LRRC4C: variants seen among roughly 807,000 people sequenced by gnomAD.
LRRC4C encodes leucine-rich repeat-containing protein 4C.
LRRC4C carries 5 observed loss-of-function variants against 33.6 expected under a neutral mutation model. The observed-to-expected ratio is 0.15, with a 90% confidence interval of 0.08 to 0.31. The LOEUF (loss-of-function observed/expected upper bound fraction) is 0.31. Ranked by LOEUF, LRRC4C falls within the 10% of genes least tolerant of loss-of-function variation. The probability of loss-of-function intolerance (pLI) is 1.00; values close to 1 mark genes in which losing one functional copy is unlikely to be tolerated. For missense variants in LRRC4C, 560 were observed against 796.7 expected, an observed-to-expected ratio of 0.70 and a Z score of 3.58; for synonymous variants, 329 against 302.0, an observed-to-expected ratio of 1.09 and a Z score of -0.93.
intron 2 of LRRC4C, among the ~76,000 whole-genome samples, chr11:40,700,025 T>C (rs1945788226): frequency 6.6e-6 from 1 of 152,134 alleles, no homozygotes; most frequent in Non-Finnish European, 1.5e-5. Context: ...TCCTATTGGG[T>C]GCCCTCTATG....
chr11:41,322,529 G>A (rs1591263871), intron 1 of LRRC4C, among the ~76,000 whole-genome samples: 1 of 151,970 alleles, frequency 6.6e-6, no homozygotes, highest in East Asian at 1.9e-4. Flanking sequence ...TATAAATGGT[G>A]TATAGTTAAT....
chr11:40,118,105 CATT>C (rs1855568400), intron 6 of LRRC4C, among the ~76,000 whole-genome samples: 2 of 147,520 alleles, frequency 1.4e-5, no homozygotes, highest in South Asian at 2.1e-4. Flanking sequence ...ATATTAATTT[CATT>C]ATAAATTGTT....
At chr11:40,387,322 C>T (rs1273909677) in intron 3 of LRRC4C, among the ~76,000 whole-genome samples, 1 of 152,076 alleles carries the variant, frequency 6.6e-6, no homozygotes, top group Non-Finnish European at 1.5e-5. Flanking sequence ...ATAGGTTACT[C>T]ATTAAAAGAA....
intron 1 of LRRC4C, among the ~76,000 whole-genome samples, chr11:41,300,977 C>T (rs965001135): frequency 4.6e-5 from 7 of 152,102 alleles, no homozygotes; most frequent in Non-Finnish European, 1.0e-4. Flanking sequence ...CTGATAACAA[C>T]TTAAATTTAA....
intron 2 of LRRC4C, among the ~76,000 whole-genome samples, chr11:40,889,704 T>C (rs1208934669): frequency 2.0e-5 from 3 of 152,136 alleles, no homozygotes; most frequent in Admixed American, 6.6e-5. Flanking sequence ...TATGAATATT[T>C]CAGTAGCAAC....
At chr11:40,875,488 T>C (rs1954841210) in intron 2 of LRRC4C, among the ~76,000 whole-genome samples, 1 of 152,142 alleles carries the variant, frequency 6.6e-6, no homozygotes, top group Non-Finnish European at 1.5e-5. Context: ...ACCTATCTAG[T>C]TCTCAACGTT....
chr11:40,702,091 G>A (rs1003692768), intron 2 of LRRC4C, among the ~76,000 whole-genome samples: 2 of 151,814 alleles, frequency 1.3e-5, no homozygotes, highest in Non-Finnish European at 2.9e-5. Flanking sequence ...CAAAACAGAC[G>A]TTACTATTAT....
At chr11:40,422,302 T>C (rs1157748054) in intron 3 of LRRC4C, among the ~76,000 whole-genome samples, 2 of 152,154 alleles carry the variant, frequency 1.3e-5, no homozygotes, top group Non-Finnish European at 2.9e-5. Context: ...TGATCAAAGG[T>C]ACATTGGTGA....
chr11:40,579,153 A>G (rs1013488033), intron 3 of LRRC4C, among the ~76,000 whole-genome samples: 2 of 152,168 alleles, frequency 1.3e-5, no homozygotes, highest in African/African-American at 2.4e-5. Context: ...CCTGGACAAC[A>G]TGGTAAAATC....
In LRRC4C at chr11:40,579,094, T is replaced by C. The variant is rs574652661; in HGVS notation, c.-270+69048A>G. 2.6e-5 allele frequency among the ~76,000 whole-genome samples: 4 copies of C among 152,288 alleles called. No individual in the cohort carries two copies. In the East Asian group the frequency reaches 7.7e-4, roughly 29 times the overall value. ...GGCTCATGCTTTTAATCCCAGCTCT[T>C]TGGGAGGCCGAGGTAGGTAGATCAC... is the stretch of plus-strand genomic sequence containing the variant. On this transcript the variant is annotated intron_variant, in intron 3 of 6. Transcript: ENST00000528697.
intron 2 of LRRC4C, among the ~76,000 whole-genome samples, chr11:40,755,157 C>G (rs913224490): frequency 6.6e-6 from 1 of 152,102 alleles, no homozygotes; most frequent in Admixed American, 6.6e-5. Context: ...ACAATATTAA[C>G]AGTTTCAGGA....
intron 3 of LRRC4C, among the ~76,000 whole-genome samples, chr11:40,360,547 A>G (rs947751657): frequency 6.6e-6 from 1 of 152,174 alleles, no homozygotes; most frequent in Non-Finnish European, 1.5e-5. Flanking sequence ...TCTTGCCTCA[A>G]TAGTGAGGTC....
At chr11:40,234,205 A>G (rs1865398705) in intron 5 of LRRC4C, among the ~76,000 whole-genome samples, 1 of 152,206 alleles carries the variant, frequency 6.6e-6, no homozygotes, top group African/African-American at 2.4e-5. Flanking sequence ...GCTAGAATTA[A>G]AGTTCATCTA....
intron 2 of LRRC4C, among the ~76,000 whole-genome samples, chr11:40,819,773 A>C (rs1295634728): frequency 6.6e-6 from 1 of 152,038 alleles, no homozygotes; most frequent in East Asian, 1.9e-4. Context: ...TCTGCAGAAA[A>C]CTGAAGGGTT....
At chr11:40,878,203 T>A (rs1444546842) in intron 2 of LRRC4C, among the ~76,000 whole-genome samples, 2 of 152,058 alleles carry the variant, frequency 1.3e-5, no homozygotes, top group African/African-American at 4.8e-5. Flanking sequence ...GGATTCTGAC[T>A]TAAAGCCCGC....
chr11:41,183,356 G>A (rs958551181), intron 1 of LRRC4C, among the ~76,000 whole-genome samples: 2 of 152,080 alleles, frequency 1.3e-5, no homozygotes, highest in Admixed American at 6.6e-5. Flanking sequence ...TACATTGTAT[G>A]TACTTCCTAC....
chr11:41,313,105 A>T (rs1414561091), intron 1 of LRRC4C, among the ~76,000 whole-genome samples: 2 of 152,188 alleles, frequency 1.3e-5, no homozygotes, highest in Non-Finnish European at 2.9e-5. Flanking sequence ...GGTATGTTTG[A>T]TACATACGCC....
intron 1 of LRRC4C, among the ~76,000 whole-genome samples, chr11:41,190,704 T>G (rs1355894741): frequency 6.6e-6 from 1 of 152,132 alleles, no homozygotes; most frequent in Non-Finnish European, 1.5e-5. Flanking sequence ...GCAAACCAGA[T>G]ACTTGATGTT....
chr11:40,287,225 C>A (rs1056151703), intron 4 of LRRC4C, among the ~76,000 whole-genome samples: 7 of 150,340 alleles, frequency 4.7e-5, no homozygotes, highest in Non-Finnish European at 7.4e-5. Flanking sequence ...CTCAGGTTTT[C>A]CAACATAAGG....
Sources: gnomAD v4.1 joint callset for allele counts (sites outside exome capture counted in the v4.1 genomes callset) on GRCh38, gnomAD v4.1.1 for gene constraint, MANE v1.5 for transcripts, NCBI Gene and HGNC (gene_info 2026-07-23, HGNC 2026-07-21) for gene names.